The following ANKS1A variants were observed in gnomAD, a reference collection of about 807,000 sequenced individuals.
ANKS1A encodes the protein ankyrin repeat and sterile alpha motif domain containing 1A, also known as ankyrin repeat and SAM domain-containing protein 1A.
Under a neutral mutation model 120.3 loss-of-function variants are expected in ANKS1A, and 55 were observed. The ratio of observed to expected loss-of-function variants is 0.46; its 90% CI spans 0.37 to 0.57. The LOEUF (loss-of-function observed/expected upper bound fraction) is 0.57, where lower values mean the gene tolerates loss of function less well. ANKS1A is among the 20% of genes least tolerant of loss of function. The probability of loss-of-function intolerance (pLI) is 0.00; values close to 1 mark genes in which losing one functional copy is unlikely to be tolerated. For missense variants in ANKS1A, 1,123 were observed against 1,480.3 expected, an observed-to-expected ratio of 0.76 and a Z score of 3.96; for synonymous variants, 590 against 604.7, an observed-to-expected ratio of 0.98 and a Z score of 0.36.
chr6:35,037,138 G>A (rs1020817190), intron 11 of ANKS1A, among the ~76,000 whole-genome samples: 1 of 152,178 alleles, frequency 6.6e-6, no homozygotes, highest in African/African-American at 2.4e-5. Context: ...GGTAGTTCTC[G>A]TGCCATTGGT....
Position 35,002,401 on chromosome 6 carries a change from C to T in ANKS1A, c.1423+7979C>T, listed in dbSNP as rs912325371. Among the ~76,000 whole-genome samples the T allele has an allele frequency of 6.6e-5, 10 of 152,282 alleles. No homozygotes were observed. The East Asian group carries it at 1.5e-3, about 23-fold the overall frequency. On this transcript the variant is annotated intron_variant, in intron 10 of 23. Coordinates refer to ENST00000360359, the MANE Select transcript of ANKS1A (RefSeq NM_015245.3). ...ATGGCCGAAGCATGAGGAAACTCAT[C>T]GCGGGACTCATTTTCCTTAAAATTT... is the stretch of plus-strand genomic sequence containing the variant.
At chr6:35,037,665 T>G (rs1775244894) in intron 11 of ANKS1A, among the ~76,000 whole-genome samples, 1 of 152,168 alleles carries the variant, frequency 6.6e-6, no homozygotes, top group Non-Finnish European at 1.5e-5. Context: ...GGCAGGACGT[T>G]AATTCCCTCT....
At chr6:35,009,452 C>G (rs1468371907) in intron 10 of ANKS1A, among the ~76,000 whole-genome samples, 2 of 151,998 alleles carry the variant, frequency 1.3e-5, no homozygotes, top group Non-Finnish European at 2.9e-5. Flanking sequence ...GATATTAAAT[C>G]CGGTTTCAAA....
intron 11 of ANKS1A, among the ~76,000 whole-genome samples, chr6:35,039,223 A>T (rs944643929): frequency 3.4e-5 from 3 of 87,574 alleles, no homozygotes; most frequent in Admixed American, 1.7e-4. Context: ...TTTGAGATGG[A>T]GTTTCGCTCT....
At chr6:34,939,907 C>T (rs2127482007) in intron 1 of ANKS1A, among the ~76,000 whole-genome samples, 1 of 152,288 alleles carries the variant, frequency 6.6e-6, no homozygotes, top group East Asian at 1.9e-4. Context: ...TTTTCACATC[C>T]TGTTCATCTA....
intron 1 of ANKS1A, among the ~76,000 whole-genome samples, chr6:34,954,562 T>G (rs1314147494): frequency 1.3e-5 from 2 of 152,248 alleles, no homozygotes; most frequent in Non-Finnish European, 1.5e-5. Flanking sequence ...TCGTGTGACT[T>G]GTGTCACGTG....
intron 1 of ANKS1A, among the ~76,000 whole-genome samples, chr6:34,965,369 T>A (rs186559357): frequency 6.6e-6 from 1 of 152,342 alleles, no homozygotes; most frequent in African/African-American, 2.4e-5. Flanking sequence ...TTATTTATTT[T>A]GAGATCGAGT....
Position 35,071,622 on chromosome 6 carries a change from G to A in ANKS1A, c.2185-6936G>A, listed in dbSNP as rs78005716. On this transcript the variant is annotated intron_variant, in intron 13 of 23. Transcript: ENST00000360359. ...GGGGGGTCCATTCAGTTTCCTGGGGGGCTGATGGTTTTATTTTTGGTTCAT... is the reference window on the plus strand; with the variant it reads ...GGGGGGTCCATTCAGTTTCCTGGGGAGCTGATGGTTTTATTTTTGGTTCAT... Among the ~76,000 whole-genome samples, 57 of 152,184 alleles carry A rather than the reference G, an allele frequency of 3.7e-4. No individual in the cohort carries two copies. The East Asian group carries it at 8.5e-3, about 23-fold the overall frequency.
At chr6:34,984,347 A>G (rs1772071194) in intron 7 of ANKS1A, among the ~76,000 whole-genome samples, 1 of 152,218 alleles carries the variant, frequency 6.6e-6, no homozygotes, top group Non-Finnish European at 1.5e-5. Flanking sequence ...GAACAAAGCT[A>G]AAAATGAAAA....
At chr6:35,094,996 C>T (rs538769089), downstream of ANKS1A, among the ~76,000 whole-genome samples, 8 of 151,722 alleles carry the variant, frequency 5.3e-5, no homozygotes, top group African/African-American at 1.9e-4. Context: ...TTAAAATTAG[C>T]TGGGCGTGAT....
At chr6:35,000,882 A>T (rs1460471471) in intron 10 of ANKS1A, among the ~76,000 whole-genome samples, 2 of 148,560 alleles carry the variant, frequency 1.3e-5, no homozygotes, top group Non-Finnish European at 3.0e-5. Context: ...TGTTAATTGT[A>T]AAAAAAAAAA....
chr6:34,950,168 A>T (rs969635853), intron 1 of ANKS1A, among the ~76,000 whole-genome samples: 1 of 150,552 alleles, frequency 6.6e-6, no homozygotes, highest in African/African-American at 2.4e-5. Context: ...TGACAGTGAG[A>T]CCCTGTCTCT....
At chr6:35,002,581 G>A (rs1378813747) in intron 10 of ANKS1A, among the ~76,000 whole-genome samples, 1 of 152,050 alleles carries the variant, frequency 6.6e-6, no homozygotes, top group Non-Finnish European at 1.5e-5. Context: ...AAACTTGTTT[G>A]TATAATCCTA....
chr6:34,961,162 A>C (rs1051826788), intron 1 of ANKS1A, among the ~76,000 whole-genome samples: 1 of 152,188 alleles, frequency 6.6e-6, no homozygotes, highest in South Asian at 2.1e-4. Flanking sequence ...CTGGTTCTTG[A>C]TGCATTATAT....
chr6:34,927,519 T>TG (rs1768776456), intron 1 of ANKS1A, among the ~76,000 whole-genome samples: 1 of 151,848 alleles, frequency 6.6e-6, no homozygotes, highest in Non-Finnish European at 1.5e-5. Flanking sequence ...CAAAGGAACT[T>TG]GAAGTTCAAG....
Position 35,017,838 on chromosome 6 carries a change from G to C in ANKS1A, c.1789G>C (p.Glu597Gln). Reference sequence around the variant, plus strand: ...ATCTCCGCACCCTGGTGGTGCTGAGGAAGGAGACCGGAGTGGGGCCAGGAG... The same window carrying C: ...ATCTCCGCACCCTGGTGGTGCTGAGCAAGGAGACCGGAGTGGGGCCAGGAG... The part of the protein sequence containing the change: ...TASPHPGGAE[E>Q]GDRSGARSRA... Residue 597 changes from glutamate (E) to glutamine (Q), a missense_variant, in exon 11 of 24, where the codon GAA becomes CAA. Glu to Gln is a conservative substitution (Grantham distance 29, BLOSUM62 2). Coordinates refer to ENST00000360359, the MANE Select transcript of ANKS1A (RefSeq NM_015245.3). 1 of 1,614,246 alleles carries C rather than the reference G, an allele frequency of 6.2e-7. No individual in the cohort carries two copies. The highest frequency in any genetic ancestry group is 8.5e-7 in the Non-Finnish European group (1 of 1,180,044).
In ANKS1A at chr6:34,983,439, C is replaced by G; in HGVS notation, c.1012+14C>G. The G allele has an allele frequency of 6.3e-7, 1 of 1,597,768 alleles. No homozygotes were observed. The highest frequency in any genetic ancestry group is 8.6e-7 in the Non-Finnish European group (1 of 1,168,802). The stretch of plus-strand genomic sequence containing the variant: ...AGAAGTCTCAGGGTAAGGTAACTCT[C>G]CCCTATGAGTAAAGGGGTGCTCAGC... On this transcript the variant is annotated intron_variant, in intron 7 of 23. Transcript: ENST00000360359.
Position 35,064,057 on chromosome 6 carries a change from G to A in ANKS1A, c.2184+3804G>A, listed in dbSNP as rs552113329. ...GGCTGCTGGGGGGCAGTGACGGGCA[G>A]GGCCCTGACCAGGCGGGAGAGATGG... On this transcript the variant is annotated intron_variant, in intron 13 of 23. Coordinates refer to ENST00000360359, the MANE Select transcript of ANKS1A (RefSeq NM_015245.3). 8.8e-4 allele frequency among the ~76,000 whole-genome samples: 134 copies of A among 152,356 alleles called. 1 individual carries two copies. Among genetic ancestry groups the A allele is most frequent in the African/African-American group, 3.0e-3 (126 of 41,586 alleles).
chr6:35,042,566 C>T (rs554374112), intron 11 of ANKS1A, among the ~76,000 whole-genome samples: 11 of 152,172 alleles, frequency 7.2e-5, no homozygotes, highest in Non-Finnish European at 1.6e-4. Flanking sequence ...CGGGAGCCAT[C>T]CTCGGACCTT....
Sources: allele counts gnomAD v4.1 joint callset (sites outside exome capture counted in the v4.1 genomes callset), GRCh38; gene constraint gnomAD v4.1.1; transcripts MANE v1.5; gene names NCBI Gene and HGNC (gene_info 2026-07-23, HGNC 2026-07-21).